Variants in MEGF6 observed in about 807,000 individuals in gnomAD.
MEGF6 encodes multiple epidermal growth factor-like domains protein 6.
A neutral mutation model predicts 207.1 loss-of-function variants in MEGF6; 184 were observed. That is an observed-to-expected ratio of 0.89 (90% CI 0.79 to 1.00). MEGF6 has a LOEUF of 1.00. MEGF6 is among the 50% of genes least tolerant of loss of function. MEGF6 has a pLI of 0.00. For missense variants in MEGF6, 2,282 were observed against 2,202.9 expected (o/e 1.04, Z -0.72); for synonymous variants, 1,038 against 910.0 (o/e 1.14, Z -2.53).
intron 11 of MEGF6, 39 bp from the exon 12 acceptor site, chr1:3,509,284 ACCTG>A: frequency 7.2e-7 from 1 of 1,389,230 alleles, no homozygotes; most frequent in Non-Finnish European, 9.3e-7. Context: ...CCTGCCACCC[ACCTG>A]CCTGCTCCAG....
chr1:3,508,657 T>G lies in MEGF6; in HGVS notation c.1561A>C (p.Ser521Arg), dbSNP rs1280899307. The G allele has an allele frequency of 1.9e-6, 3 of 1,613,456 alleles. No homozygotes were observed. Among genetic ancestry groups the G allele is most frequent in the East Asian group, 2.2e-5 (1 of 44,864 alleles). Reference protein sequence around the residue: ...CLDDSFGHDCSLTCDDCRNGG... With the variant: ...CLDDSFGHDCRLTCDDCRNGG... Reference sequence around the variant, plus strand: ...TTCCTGCAGTCATCACAGGTCAAGCTGCAGTCATGGCCAAAGGAGTCATCC... The same window carrying G: ...TTCCTGCAGTCATCACAGGTCAAGCGGCAGTCATGGCCAAAGGAGTCATCC... The change falls in exon 13 of 37, where the codon AGC becomes CGC. Residue 521 changes from serine (S) to arginine (R), a missense_variant. Physicochemically the swap from Ser to Arg is moderately radical, Grantham distance 110. Transcript: ENST00000356575.
intron 28 of MEGF6, 52 bp from the exon 29 acceptor site, chr1:3,496,835 G>GC: frequency 6.5e-7 from 1 of 1,537,478 alleles, no homozygotes; most frequent in Non-Finnish European, 8.8e-7. Context: ...CTTCCCCAGT[G>GC]CCCCTGAACA....
chr1:3,534,796 C>T (rs113693090), intron 4 of MEGF6, among the ~76,000 whole-genome samples: 42 of 152,248 alleles, frequency 2.8e-4, no homozygotes, highest in African/African-American at 9.6e-4. Flanking sequence ...GGACCGGAGC[C>T]CTGGCCCTCT....
At chr1:3,533,016 C>G (rs562994483) in intron 4 of MEGF6, among the ~76,000 whole-genome samples, 82 of 152,318 alleles carry the variant, frequency 5.4e-4, no homozygotes, top group Non-Finnish European at 9.1e-4. Flanking sequence ...GCAGGCGGCC[C>G]ATCCCGGCAG....
rs554578604 is a variant in MEGF6, at chr1:3,573,370, T to TC, written c.481+6454dup. Among the ~76,000 whole-genome samples, 237 of 152,284 alleles carry TC rather than the reference T, an allele frequency of 1.6e-3. 3 individuals carry two copies. Among genetic ancestry groups the TC allele is most frequent in the Admixed American group, 0.015 (234 of 15,296 alleles). On this transcript the variant is annotated intron_variant, in intron 4 of 36. Transcript: ENST00000356575. The surrounding 1 kb of genome is among the most constrained non-coding windows in gnomAD (Gnocchi z 5.1). ...AGGGTGGCCTCCTGGCTGAGCCAGCTCCAGGCCCAGATGGAAACCTTCTGC... is the reference window on the plus strand; with the variant it reads ...AGGGTGGCCTCCTGGCTGAGCCAGCTCCCAGGCCCAGATGGAAACCTTCTGC...
chr1:3,490,682 C>T, intron 36 of MEGF6, 93 bp from the exon 37 acceptor site: 3 of 1,354,136 alleles, frequency 2.2e-6, no homozygotes, highest in Non-Finnish European at 3.1e-6. Flanking sequence ...CCTCCCACCC[C>T]TCCCTTCAGC....
At chr1:3,503,099 C>T (rs1330978926) in intron 17 of MEGF6, among the ~76,000 whole-genome samples, 3 of 152,118 alleles carry the variant, frequency 2.0e-5, no homozygotes, top group African/African-American at 7.2e-5. Context: ...GGAGGAGCAC[C>T]GGTAATACAG....
the MEGF6 span, among the ~76,000 whole-genome samples, chr1:3,622,882 T>C: frequency 6.6e-6 from 1 of 152,244 alleles, no homozygotes; most frequent in South Asian, 2.1e-4. Context: ...TTGTTTATTG[T>C]CTAAAATACA....
the MEGF6 span, among the ~76,000 whole-genome samples, chr1:3,618,227 C>T: frequency 2.0e-5 from 3 of 152,178 alleles, no homozygotes; most frequent in Admixed American, 6.5e-5. This position sits in a 1 kb window ranked among gnomAD's most constrained non-coding sequence, Gnocchi z 4.7. Context: ...CGGTGTGGGC[C>T]GCACCCTGCC....
Position 3,579,811 on chromosome 1 carries a change from G to C in MEGF6, c.481+14C>G. 1 of 1,472,134 alleles carries C rather than the reference G, an allele frequency of 6.8e-7. No homozygotes were observed. Among genetic ancestry groups the C allele is most frequent in the Non-Finnish European group, 9.0e-7 (1 of 1,115,566 alleles). 91.2% of individuals were successfully genotyped at this position (1,472,134 alleles called of 1,614,324 possible). On this transcript the variant is annotated intron_variant, in intron 4 of 36. Coordinates refer to ENST00000356575, the MANE Select transcript of MEGF6 (RefSeq NM_001409.4). ...CCATGGCCAGGGCCTTGGTCCCCCAGGGGCTCCACTCACCATACTGACAGC... is the reference window on the plus strand; with the variant it reads ...CCATGGCCAGGGCCTTGGTCCCCCACGGGCTCCACTCACCATACTGACAGC...
rs116640615 is a variant in MEGF6, at chr1:3,574,449, T to C, written c.481+5376A>G. 5.7e-3 allele frequency among the ~76,000 whole-genome samples: 861 copies of C among 152,202 alleles called. 4 individuals carry two copies. Among genetic ancestry groups the C allele is most frequent in the Middle Eastern group, 0.027 (8 of 294 alleles). On this transcript the variant is annotated intron_variant, in intron 4 of 36. Transcript: ENST00000356575. ...CAGGCCCACCTCCTCCAGGAAGCCC[T>C]TGGGGCAGCCAAGCCTCTGATGGGC... is the stretch of plus-strand genomic sequence containing the variant.
intron 4 of MEGF6, among the ~76,000 whole-genome samples, chr1:3,544,042 T>C (rs1463122672): frequency 1.3e-5 from 2 of 151,986 alleles, no homozygotes; most frequent in Non-Finnish European, 2.9e-5. Context: ...GGAGAGCCTC[T>C]GCGCGCCGCA....
chr1:3,615,430 G>A (rs975643000), upstream of MEGF6, among the ~76,000 whole-genome samples: 2 of 152,216 alleles, frequency 1.3e-5, no homozygotes, highest in Non-Finnish European at 2.9e-5. Flanking sequence ...TGGCTTCAGA[G>A]ACCTGTTGGG....
chr1:3,559,069 A>T (rs1392798257), intron 4 of MEGF6, among the ~76,000 whole-genome samples: 1 of 152,084 alleles, frequency 6.6e-6, no homozygotes, highest in Non-Finnish European at 1.5e-5. Context: ...AAAACCGAAT[A>T]TCTTAGAAGA....
rs781280713 is a variant in MEGF6 at position 3,595,360 on chromosome 1, G to A, written c.354C>T (p.Pro118=). Residue 118 remains proline, a synonymous_variant, in exon 3 of 37, where the codon CCC becomes CCT. Transcript: ENST00000356575. ...LRCCRGWMQQ[P]DEEGCLSAEC... is the part of the protein sequence containing the mutation. ...CACCCGAGAGGCAGCCCTCCTCGTC[G>A]GGCTGCTGCATCCACCCTCGGCAGC... 5.8e-5 allele frequency: 93 copies of A among 1,612,218 alleles called. 1 individual carries two copies. The Admixed American group carries it at 9.2e-4, about 16-fold the overall frequency.
Position 3,499,922 on chromosome 1 carries a change from ACT to A in MEGF6, c.2708_2709del (p.Gln903LeufsTer11), listed in dbSNP as rs991414367. Reference protein sequence around the residue: ...AGYVGPRCEQQCPQGHFGPGC... With the variant: ...AGYVGPRCEQXCPQGHFGPGC... ...CCGGGCCCAAAGTGGCCCTGGGGACACTCTGAGATATGCAGCCCCGGCCCACA... is the reference window on the plus strand; with the variant it reads ...CCGGGCCCAAAGTGGCCCTGGGGACACTGAGATATGCAGCCCCGGCCCACA... On this transcript the variant is annotated frameshift_variant and splice_region_variant, in exon 22 of 37. Transcript: ENST00000356575. LOFTEE classifies it high-confidence loss of function. The A allele has an allele frequency of 3.8e-6, 6 of 1,560,422 alleles. No homozygotes were observed. Among genetic ancestry groups the A allele is most frequent in the African/African-American group, 1.4e-5 (1 of 73,522 alleles).
intron 4 of MEGF6, chr1:3,531,330 T>A: frequency 3.3e-6 from 4 of 1,223,180 alleles, no homozygotes; most frequent in Non-Finnish European, 4.1e-6. Flanking sequence ...GGCAGGCGGC[T>A]CGGGCTGGTT....
chr1:3,561,005 C>T (rs1360421214), intron 4 of MEGF6, among the ~76,000 whole-genome samples: 1 of 152,188 alleles, frequency 6.6e-6, no homozygotes, highest in Non-Finnish European at 1.5e-5. Flanking sequence ...GCCAGGCATA[C>T]AGGAGTCTCT....
intron 4 of MEGF6, among the ~76,000 whole-genome samples, chr1:3,534,357 G>T (rs1642263436): frequency 6.6e-6 from 1 of 152,124 alleles, no homozygotes; most frequent in Non-Finnish European, 1.5e-5. Flanking sequence ...ATTTGTTTTT[G>T]CTTTTCTGAC....
Sources: gnomAD v4.1 joint callset for allele counts (sites outside exome capture counted in the v4.1 genomes callset) on GRCh38, gnomAD v4.1.1 for gene constraint, Gnocchi (gnomAD v3.1) non-coding constraint, MANE v1.5 for transcripts, NCBI Gene and HGNC (gene_info 2026-07-23, HGNC 2026-07-21) for gene names.